FAT3: variants seen among roughly 807,000 people sequenced by gnomAD.
FAT3 encodes FAT atypical cadherin 3.
Under a neutral mutation model 310.2 loss-of-function variants are expected in FAT3, and 95 were observed. The observed-to-expected ratio is 0.31, with a 90% CI of 0.26 to 0.36. FAT3 has a LOEUF of 0.36. FAT3 is among the 10% of genes least tolerant of loss of function. The pLI is 1.00. For synonymous variants in FAT3, 2,314 were observed against 2,192.9 expected, an observed-to-expected ratio of 1.06 and a Z score of -1.54; for missense variants, 5,408 against 5,715.6, an observed-to-expected ratio of 0.95 and a Z score of 1.74.
intron 3 of FAT3, among the ~76,000 whole-genome samples, chr11:92,681,393 AGAG>A (rs1247819957): frequency 6.6e-6 from 1 of 152,234 alleles, no homozygotes; most frequent in Non-Finnish European, 1.5e-5. Flanking sequence ...TCTGGGTAAG[AGAG>A]GAGGACAGGA....
At chr11:92,656,473 A>G (rs1819232787) in intron 3 of FAT3, among the ~76,000 whole-genome samples, 2 of 152,248 alleles carry the variant, frequency 1.3e-5, no homozygotes, top group African/African-American at 4.8e-5. Context: ...TTATAATTCA[A>G]GCCACCTGCT....
intron 22 of FAT3, among the ~76,000 whole-genome samples, chr11:92,874,521 G>A (rs931132109): frequency 9.2e-5 from 14 of 152,170 alleles, no homozygotes; most frequent in Admixed American, 2.0e-4. Flanking sequence ...AAAGCCTAGA[G>A]TCAAGTTTAA....
chr11:92,702,605 C>T (rs1043032651), intron 4 of FAT3, among the ~76,000 whole-genome samples: 1 of 152,208 alleles, frequency 6.6e-6, no homozygotes, highest in African/African-American at 2.4e-5. Flanking sequence ...CCTCCACAAA[C>T]ACACTGCCAG....
intron 3 of FAT3, among the ~76,000 whole-genome samples, chr11:92,642,782 G>T (rs778645195): frequency 2.0e-5 from 3 of 152,140 alleles, no homozygotes; most frequent in Non-Finnish European, 4.4e-5. Flanking sequence ...CAGCAAAAAG[G>T]CTTTCTCTAG....
At chr11:92,690,927 T>G (rs1489652495) in intron 3 of FAT3, among the ~76,000 whole-genome samples, 1 of 152,228 alleles carries the variant, frequency 6.6e-6, no homozygotes, top group Non-Finnish European at 1.5e-5. Context: ...AAGCACGTAC[T>G]TAACTGATAT....
chr11:92,803,914 G>A (rs576893542), intron 10 of FAT3, among the ~76,000 whole-genome samples: 4 of 152,198 alleles, frequency 2.6e-5, no homozygotes, highest in African/African-American at 9.7e-5. Flanking sequence ...CACTCCCAGT[G>A]CTGAGGCCCT....
chr11:92,727,071 A>G (rs770988109), intron 4 of FAT3, among the ~76,000 whole-genome samples: 1 of 152,158 alleles, frequency 6.6e-6, no homozygotes, highest in African/African-American at 2.4e-5. Context: ...AAACCACTCA[A>G]TCTACTATGA....
intron 22 of FAT3, among the ~76,000 whole-genome samples, chr11:92,878,215 CTA>C (rs1565672110): frequency 6.6e-6 from 1 of 152,112 alleles, no homozygotes; most frequent in Non-Finnish European, 1.5e-5. Context: ...AAAATTTATT[CTA>C]TGTTACAGTC....
At chr11:92,315,479 GTATA>G (rs1168085335) in intron 1 of FAT3, among the ~76,000 whole-genome samples, 2,416 of 64,636 alleles carry the variant, frequency 0.037, 97 homozygotes, top group African/African-American at 0.075. Context: ...GTGTGTGTGT[GTATA>G]TATATATATA....
chr11:92,688,962 G>C (rs1289404022), intron 3 of FAT3, among the ~76,000 whole-genome samples: 1 of 152,126 alleles, frequency 6.6e-6, no homozygotes, highest in East Asian at 1.9e-4. Flanking sequence ...ATTTAGGTGG[G>C]AAGGAAGCAA....
At chr11:92,507,020 C>A (rs1159505026) in intron 2 of FAT3, among the ~76,000 whole-genome samples, 1 of 152,194 alleles carries the variant, frequency 6.6e-6, no homozygotes, top group Non-Finnish European at 1.5e-5. Context: ...CATATGCACA[C>A]TGAATTCTGT....
intron 3 of FAT3, among the ~76,000 whole-genome samples, chr11:92,586,269 C>T (rs1591487711): frequency 6.6e-6 from 1 of 151,822 alleles, no homozygotes; most frequent in African/African-American, 2.4e-5. Context: ...ATAGCTCTGC[C>T]CAGTGAGAAG....
At chr11:92,593,632 A>G (rs965729890) in intron 3 of FAT3, among the ~76,000 whole-genome samples, 1 of 152,010 alleles carries the variant, frequency 6.6e-6, no homozygotes, top group East Asian at 1.9e-4. Context: ...TATATCTTCT[A>G]CCTTCTAGAA....
chr11:92,333,492 T>C (rs1207411681), intron 1 of FAT3, among the ~76,000 whole-genome samples: 3 of 152,154 alleles, frequency 2.0e-5, no homozygotes, highest in Non-Finnish European at 4.4e-5. Context: ...TCAGTGTCTG[T>C]CCAGCTGTCT....
intron 2 of FAT3, among the ~76,000 whole-genome samples, chr11:92,486,959 T>G (rs1952429221): frequency 6.6e-6 from 1 of 152,102 alleles, no homozygotes; most frequent in Admixed American, 6.6e-5. Flanking sequence ...TAACCCTGAT[T>G]GGATAAGGGA....
intron 4 of FAT3, among the ~76,000 whole-genome samples, chr11:92,724,955 C>A (rs558070220): frequency 1.3e-5 from 2 of 152,058 alleles, no homozygotes; most frequent in African/African-American, 4.8e-5. Context: ...TGGCCATTTG[C>A]CAGCTATAAC....
At position 92,506,321 on chromosome 11, in the gene FAT3, C is replaced by A. The variant is rs557906025; in HGVS notation, c.3293-18313C>A. 4.6e-5 allele frequency among the ~76,000 whole-genome samples: 7 copies of A among 152,264 alleles called. No individual in the cohort carries two copies. In the South Asian group the frequency reaches 1.2e-3, roughly 27 times the overall value. On this transcript the variant is annotated intron_variant, in intron 2 of 27. Coordinates refer to ENST00000525166, the MANE Select transcript of FAT3 (RefSeq NM_001367949.2). ...AAGATCCTCCTTTCTGGACGCCTTT[C>A]CTCTTTTCTCTTTGCTGCTAGCTTT...
rs552804576 is a variant in FAT3 at position 92,787,821 on chromosome 11, A to G, written c.4336-2122A>G. Among the ~76,000 whole-genome samples the G allele has an allele frequency of 7.9e-5, 12 of 152,128 alleles. No individual in the cohort carries two copies. The South Asian group carries it at 2.5e-3, about 32-fold the overall frequency. ...TTGTGCATGTGGTTCAAATAAAGCA[A>G]TGAATAATTTTGATGATGTCATTAA... On this transcript the variant is annotated intron_variant, in intron 7 of 27. Coordinates refer to ENST00000525166, the MANE Select transcript of FAT3 (RefSeq NM_001367949.2).
intron 3 of FAT3, among the ~76,000 whole-genome samples, chr11:92,608,720 C>T (rs199856049): frequency 6.9e-6 from 1 of 145,130 alleles, no homozygotes; most frequent in Non-Finnish European, 1.5e-5. Context: ...CTGAATTCAG[C>T]AATAATAATA....
Sources: allele counts gnomAD v4.1 joint callset (sites outside exome capture counted in the v4.1 genomes callset), GRCh38; gene constraint gnomAD v4.1.1; transcripts MANE v1.5; gene names NCBI Gene and HGNC (gene_info 2026-07-23, HGNC 2026-07-21).